The following NKD1 variants were observed in gnomAD, a reference collection of about 807,000 sequenced individuals.
NKD1 encodes the protein protein naked cuticle homolog 1.
Under a neutral mutation model 56.0 loss-of-function variants are expected in NKD1, and 21 were observed. That is an observed-to-expected ratio of 0.38 (90% CI 0.27 to 0.54). The LOEUF is 0.54. Among genes scored for constraint, NKD1 ranks in the 20% least tolerant of loss-of-function variants. The pLI is 0.82. For missense variants in NKD1, 578 were observed against 642.7 expected (o/e 0.90, Z 1.09); for synonymous variants, 263 against 265.7 (o/e 0.99, Z 0.10).
intron 6 of NKD1, among the ~76,000 whole-genome samples, chr16:50,626,393 G>T (rs186683649): frequency 1.4e-3 from 216 of 152,250 alleles, no homozygotes; most frequent in Middle Eastern, 6.8e-3. Flanking sequence ...AAATAAACAG[G>T]TGCTGGGACA....
chr16:50,602,556 G>A (rs1273353660), intron 3 of NKD1, among the ~76,000 whole-genome samples: 1 of 152,190 alleles, frequency 6.6e-6, no homozygotes, highest in Non-Finnish European at 1.5e-5. Flanking sequence ...AGTTAAACAT[G>A]AGAACACTTC....
chr16:50,649,152 A>G lies in NKD1; in HGVS notation c.*15371A>G, dbSNP rs1962732767. 6.6e-6 allele frequency: 1 copy of G among 152,186 alleles called. No individual in the cohort carries two copies. The highest frequency in any genetic ancestry group is 2.4e-5 in the African/African-American group (1 of 41,444). The allele number at this position is 152,186 out of a possible 1,614,324, so 9.4% of individuals were successfully genotyped here. A position where few individuals can be genotyped will look rare whatever the true frequency, so the allele number is the denominator to read the frequency against. On this transcript the variant is annotated 3_prime_UTR_variant, in exon 10 of 10. Transcript: ENST00000268459. The stretch of plus-strand genomic sequence containing the variant: ...AGATTCGTCTAATCCTCCTTTAAAG[A>G]TGGTGGCAGTGAAACTGGTACATGG...
rs1962486723 is a variant in NKD1 at position 50,637,243 on chromosome 16, A to C, written c.*3462A>C. The C allele has an allele frequency of 6.6e-6, 1 of 152,218 alleles. No individual in the cohort carries two copies. The highest frequency in any genetic ancestry group is 6.5e-5 in the Admixed American group (1 of 15,280). The allele number at this position is 152,218 out of a possible 1,614,324, so 9.4% of individuals were successfully genotyped here. A position where few individuals can be genotyped will look rare whatever the true frequency, so the allele number is the denominator to read the frequency against. On this transcript the variant is annotated 3_prime_UTR_variant, in exon 10 of 10. Transcript: ENST00000268459. ...GAGTTCAAGAGCAAGTGTGATTTCA[A>C]TTTTGATGAGATTGTACATGACCTC...
At chr16:50,620,257 C>A (rs1267881734) in intron 4 of NKD1, among the ~76,000 whole-genome samples, 1 of 152,260 alleles carries the variant, frequency 6.6e-6, no homozygotes, top group Non-Finnish European at 1.5e-5. Context: ...CCCAGGCCCA[C>A]TGGGGGCATC....
At chr16:50,602,009 C>G (rs773010051) in intron 3 of NKD1, among the ~76,000 whole-genome samples, 9 of 152,150 alleles carry the variant, frequency 5.9e-5, no homozygotes, top group Admixed American at 1.3e-4. Flanking sequence ...ATCTCTCTGC[C>G]CTTTGATGAG....
At chr16:50,584,140 A>G (rs1961177895) in intron 3 of NKD1, among the ~76,000 whole-genome samples, 1 of 152,098 alleles carries the variant, frequency 6.6e-6, no homozygotes, top group Admixed American at 6.5e-5. Flanking sequence ...ATGCTTCAAG[A>G]CAGTTGGCCA....
In NKD1 at chr16:50,633,265, G is replaced by A. The variant is rs1368058268; in HGVS notation, c.897G>A (p.Glu299=). ...TSNPTRSRSH[E]PEAIHIPHRK... ...ATCCCACTCGATCTCGCTCCCATGA[G>A]CCGGAAGCCATCCACATCCCACACC... The change falls in exon 10 of 10, where the codon GAG becomes GAA. Residue 299 remains glutamate (E), a synonymous_variant. Coordinates refer to ENST00000268459, the MANE Select transcript of NKD1 (RefSeq NM_033119.5). The surrounding 1 kb of genome is among the most constrained non-coding windows in gnomAD (Gnocchi z 4.9). 1 of 1,614,094 alleles carries A rather than the reference G, an allele frequency of 6.2e-7. No homozygotes were observed. Among genetic ancestry groups the A allele is most frequent in the Non-Finnish European group, 8.5e-7 (1 of 1,179,990 alleles).
chr16:50,593,804 C>T (rs1041001180), intron 3 of NKD1, among the ~76,000 whole-genome samples: 3 of 152,194 alleles, frequency 2.0e-5, no homozygotes, highest in Non-Finnish European at 4.4e-5. Flanking sequence ...ATGGGACATA[C>T]TTATGCTACA....
intron 3 of NKD1, among the ~76,000 whole-genome samples, chr16:50,554,946 C>G (rs910389009): frequency 1.3e-5 from 2 of 152,100 alleles, no homozygotes; most frequent in African/African-American, 2.4e-5. Flanking sequence ...ATTAATAAGT[C>G]CCTAACTGGG....
chr16:50,571,331 C>G (rs1280928777), intron 3 of NKD1: 1 of 218,816 alleles, frequency 4.6e-6, no homozygotes, highest in East Asian at 1.8e-4. Context: ...GTCAGCAATG[C>G]AGCCAGGATG....
Position 50,643,922 on chromosome 16 carries a change from T to C in NKD1, c.*10141T>C, listed in dbSNP as rs923883461. The C allele has an allele frequency of 1.3e-5, 2 of 152,280 alleles. No individual in the cohort carries two copies. Among genetic ancestry groups the C allele is most frequent in the African/African-American group, 2.4e-5 (1 of 41,476 alleles). The allele number at this position is 152,280 out of a possible 1,614,324, so 9.4% of individuals were successfully genotyped here. On this transcript the variant is annotated 3_prime_UTR_variant, in exon 10 of 10. Coordinates refer to ENST00000268459, the MANE Select transcript of NKD1 (RefSeq NM_033119.5). ...AAGAGCACAAGATGGCACTTCAGCGTCATGCCTGGGGAGCATTTTAAGCAG... is the reference window on the plus strand; with the variant it reads ...AAGAGCACAAGATGGCACTTCAGCGCCATGCCTGGGGAGCATTTTAAGCAG...
chr16:50,630,707 C>G, intron 7 of NKD1, 119 bp from the exon 8 acceptor site: 2 of 819,662 alleles, frequency 2.4e-6, no homozygotes. Context: ...TTATTTAGCC[C>G]CAGCTCAGGG....
Position 50,625,532 on chromosome 16 carries a change from G to GACCTTC in NKD1, c.418_423dup (p.Phe140_Thr141dup). ...TGGAGGAGGACAGCCGGCAGGAGTG[G>GACCTTC]ACCTTCACCCTGTATGACTTTGACA... is the stretch of plus-strand genomic sequence containing the variant. On this transcript the variant is annotated inframe_insertion, in exon 6 of 10. Transcript: ENST00000268459. 6.2e-7 allele frequency: 1 copy of GACCTTC among 1,614,002 alleles called. No homozygotes were observed. Among genetic ancestry groups the GACCTTC allele is most frequent in the Non-Finnish European group, 8.5e-7 (1 of 1,179,902 alleles).
At chr16:50,565,960 A>G (rs1960749982) in intron 3 of NKD1, among the ~76,000 whole-genome samples, 1 of 152,318 alleles carries the variant, frequency 6.6e-6, no homozygotes, top group African/African-American at 2.4e-5. Context: ...ACTTTAGAGC[A>G]ACAGTGTGCA....
intron 6 of NKD1, 110 bp downstream of exon 6, chr16:50,625,690 A>G: frequency 1.4e-6 from 1 of 717,436 alleles, no homozygotes; most frequent in Non-Finnish European, 2.5e-6. Flanking sequence ...CCTGCCCCTC[A>G]GGGAAGGCCG....
intron 3 of NKD1, among the ~76,000 whole-genome samples, chr16:50,575,620 G>A (rs1355892915): frequency 6.6e-6 from 1 of 152,230 alleles, no homozygotes; most frequent in Non-Finnish European, 1.5e-5. Flanking sequence ...TCTGGACTTA[G>A]CAGAGGGCTT....
At chr16:50,568,825 G>C (rs1241861289) in intron 3 of NKD1, among the ~76,000 whole-genome samples, 1 of 152,194 alleles carries the variant, frequency 6.6e-6, no homozygotes. Flanking sequence ...ACCTTTGTGT[G>C]TTAGGACTGG....
At position 50,633,388 on chromosome 16, in the gene NKD1, C is replaced by G. The variant is rs34100051; in HGVS notation, c.1020C>G (p.Asp340Glu). 8.1e-6 allele frequency: 13 copies of G among 1,613,822 alleles called. No individual in the cohort carries two copies. Among genetic ancestry groups the G allele is most frequent in the South Asian group, 2.2e-5 (2 of 91,062 alleles). ...AGCAACGGCTCCGGGGCACCCAGGA[C>G]GGGAGCAAGCACTTTGTGAGGTCCC... ...ELQQRLRGTQ[D>E]GSKHFVRSPK... The change falls in exon 10 of 10, where the codon GAC (aspartate) becomes GAG (glutamate). Residue 340 changes from aspartate (D) to glutamate (E), a missense_variant. Coordinates refer to ENST00000268459, the MANE Select transcript of NKD1 (RefSeq NM_033119.5). This position sits in a 1 kb window ranked among gnomAD's most constrained non-coding sequence, Gnocchi z 4.9.
chr16:50,613,179 G>C (rs1175956680), intron 4 of NKD1, among the ~76,000 whole-genome samples: 2 of 152,138 alleles, frequency 1.3e-5, no homozygotes, highest in Non-Finnish European at 2.9e-5. Flanking sequence ...TTTTGGACCA[G>C]TTGGGTTCAA....
Sources: gnomAD v4.1 joint callset for allele counts (sites outside exome capture counted in the v4.1 genomes callset) on GRCh38, gnomAD v4.1.1 for gene constraint, Gnocchi (gnomAD v3.1) non-coding constraint, MANE v1.5 for transcripts, NCBI Gene and HGNC (gene_info 2026-07-23, HGNC 2026-07-21) for gene names.